The following CLEC16A variants were observed in gnomAD, a reference collection of about 807,000 sequenced individuals.
The protein encoded by CLEC16A is C-type lectin domain containing 16A.
CLEC16A carries 51 observed loss-of-function variants against 109.5 expected under a neutral mutation model. The observed-to-expected ratio is 0.47, with a 90% CI of 0.37 to 0.59. CLEC16A has a LOEUF of 0.59. CLEC16A is among the 20% of genes least tolerant of loss of function. CLEC16A has a pLI of 0.00. For synonymous variants in CLEC16A, 673 were observed against 564.2 expected (o/e 1.19, Z -2.73); for missense variants, 1,339 against 1,394.0 (o/e 0.96, Z 0.63).
intron 10 of CLEC16A, among the ~76,000 whole-genome samples, chr16:10,992,542 TAAAAAA>T (rs945021104): frequency 3.3e-5 from 5 of 151,038 alleles, no homozygotes; most frequent in African/African-American, 1.2e-4. Context: ...CATTAAAAAA[TAAAAAA>T]GAAAAAGATA....
chr16:11,170,888 C>T (rs552165928), intron 23 of CLEC16A, among the ~76,000 whole-genome samples: 8 of 152,334 alleles, frequency 5.3e-5, no homozygotes, highest in Non-Finnish European at 1.0e-4. Flanking sequence ...ACAGCCGATG[C>T]AGAACAGTGC....
intron 22 of CLEC16A, chr16:11,150,285 G>C (rs2054242991): frequency 6.6e-6 from 1 of 152,158 alleles, no homozygotes; most frequent in Admixed American, 6.5e-5. Flanking sequence ...TAAGGTTTGG[G>C]CTTCCCTTAA....
rs2068887481 is a variant in CLEC16A at position 11,179,326 on chromosome 16, TA to T, written c.*638del. ...CTTAGTGTGGCTTTTTCCATTTATT[TA>T]AGTGATTCTTTGTTACTCACTAACT... On this transcript the variant is annotated 3_prime_UTR_variant, in exon 24 of 24. Transcript: ENST00000409790. The T allele has an allele frequency of 1.3e-5, 2 of 152,372 alleles. No individual in the cohort carries two copies. The highest frequency in any genetic ancestry group is 3.9e-4 in the East Asian group (2 of 5,190). The allele number at this position is 152,372 out of a possible 1,614,324, so 9.4% of individuals were successfully genotyped here. A position where few individuals can be genotyped will look rare whatever the true frequency, so the allele number is the denominator to read the frequency against.
In CLEC16A at chr16:11,148,724, G is replaced by A. The variant is rs76143021; in HGVS notation, c.2642-17664G>A. 5.3e-4 allele frequency among the ~76,000 whole-genome samples: 81 copies of A among 152,218 alleles called. 1 individual carries two copies. In the East Asian group the frequency reaches 0.015, roughly 28 times the overall value. ...AGGCCAGTGCTCCATCCCCTGTATG[G>A]CCAGGAAAGCACAGCCATCTTGTAG... On this transcript the variant is annotated intron_variant, in intron 22 of 23. Coordinates refer to ENST00000409790, the MANE Select transcript of CLEC16A (RefSeq NM_015226.3).
intron 15 of CLEC16A, among the ~76,000 whole-genome samples, chr16:11,042,833 T>C (rs1216719128): frequency 6.6e-6 from 1 of 151,284 alleles, no homozygotes; most frequent in African/African-American, 2.4e-5. Context: ...GTTGACATTT[T>C]GTCTGTGTCT....
intron 13 of CLEC16A, among the ~76,000 whole-genome samples, chr16:11,025,888 CT>C (rs1296467527): frequency 2.0e-5 from 3 of 152,170 alleles, no homozygotes; most frequent in Non-Finnish European, 4.4e-5. Flanking sequence ...TCTCTTGTGT[CT>C]TTTTAAAGAT....
At position 11,062,126 on chromosome 16, in the gene CLEC16A, C is replaced by T. The variant is rs149168851; in HGVS notation, c.2116+1104C>T. Among the ~76,000 whole-genome samples, 376 of 137,432 alleles carry T rather than the reference C, an allele frequency of 2.7e-3. 2 individuals are homozygous for T. The highest frequency in any genetic ancestry group is 0.011 in the African/African-American group (354 of 33,304). 90.2% of individuals were successfully genotyped at this position (137,432 alleles called of 152,430 possible). A position where few individuals can be genotyped will look rare whatever the true frequency, so the allele number is the denominator to read the frequency against. ...TGATTGTCTAAGCTGGGGTCGCATGCCCAGCCTTGGAGCTGGGAGGGAGGG... is the reference window on the plus strand; with the variant it reads ...TGATTGTCTAAGCTGGGGTCGCATGTCCAGCCTTGGAGCTGGGAGGGAGGG... On this transcript the variant is annotated intron_variant, in intron 19 of 23. Transcript: ENST00000409790.
intron 19 of CLEC16A, among the ~76,000 whole-genome samples, chr16:11,108,166 G>A (rs1484982418): frequency 6.6e-6 from 1 of 152,258 alleles, no homozygotes; most frequent in Non-Finnish European, 1.5e-5. Context: ...ATGAGGGCAG[G>A]CTGCTGACTG....
At chr16:11,170,797 G>A (rs1277633601) in intron 23 of CLEC16A, among the ~76,000 whole-genome samples, 2 of 152,232 alleles carry the variant, frequency 1.3e-5, no homozygotes, top group Admixed American at 6.5e-5. Flanking sequence ...AGGCAGGCGG[G>A]GTGGCTGAGG....
At chr16:11,172,700 C>A (rs1207500804) in intron 23 of CLEC16A, among the ~76,000 whole-genome samples, 1 of 151,962 alleles carries the variant, frequency 6.6e-6, no homozygotes, top group Non-Finnish European at 1.5e-5. Context: ...ACCAGCCTGG[C>A]CAACATGGTG....
intron 19 of CLEC16A, among the ~76,000 whole-genome samples, chr16:11,061,723 A>C (rs907459077): frequency 6.6e-6 from 1 of 152,210 alleles, no homozygotes; most frequent in Non-Finnish European, 1.5e-5. Flanking sequence ...GTCTTTGGTT[A>C]TAAGAGACAG....
At chr16:11,060,067 C>G (rs181110897) in intron 18 of CLEC16A, among the ~76,000 whole-genome samples, 1 of 152,356 alleles carries the variant, frequency 6.6e-6, no homozygotes, top group Non-Finnish European at 1.5e-5. Context: ...TCTGCACACA[C>G]GGCTCCGACT....
chr16:10,978,208 A>G (rs2146574390), intron 8 of CLEC16A, among the ~76,000 whole-genome samples: 1 of 152,298 alleles, frequency 6.6e-6, no homozygotes, highest in African/African-American at 2.4e-5. Context: ...GGGCCTCAGG[A>G]CCAGGAATCT....
At chr16:11,141,622 C>T (rs1437223188) in intron 22 of CLEC16A, among the ~76,000 whole-genome samples, 1 of 152,242 alleles carries the variant, frequency 6.6e-6, no homozygotes, top group Non-Finnish European at 1.5e-5. Context: ...GTCCAAGCTC[C>T]TTGCACGTAC....
chr16:11,051,057 C>G (rs751131378), intron 17 of CLEC16A, among the ~76,000 whole-genome samples: 1 of 152,210 alleles, frequency 6.6e-6, no homozygotes, highest in Non-Finnish European at 1.5e-5. Context: ...CCTTAGGTCA[C>G]AGCTTGCAGC....
chr16:11,061,267 C>T (rs1478485345), intron 19 of CLEC16A, among the ~76,000 whole-genome samples: 1 of 152,156 alleles, frequency 6.6e-6, no homozygotes, highest in Non-Finnish European at 1.5e-5. Context: ...AAAGTCTCTG[C>T]AGAGCACCTG....
At chr16:11,158,801 T>C (rs1208036385) in intron 22 of CLEC16A, among the ~76,000 whole-genome samples, 2 of 152,048 alleles carry the variant, frequency 1.3e-5, no homozygotes, top group African/African-American at 4.8e-5. Flanking sequence ...ATGCCTGTAG[T>C]CCCAGCTACT....
At position 11,116,408 on chromosome 16, in the gene CLEC16A, A is replaced by G. The variant is rs201653343; in HGVS notation, c.2117-4207A>G. On this transcript the variant is annotated intron_variant, in intron 19 of 23. Transcript: ENST00000409790. ...AGACTGTCTAAAAGAAAAAGAAAAG[A>G]AAAAAAAAGGTACAAATTCAGTAAA... Among the ~76,000 whole-genome samples, 14 of 92,206 alleles carry G rather than the reference A, an allele frequency of 1.5e-4. No homozygotes were observed. In the East Asian group the frequency reaches 5.2e-3, roughly 34 times the overall value. The allele number at this position is 92,206 out of a possible 152,430, so 60.5% of individuals were successfully genotyped here. A position where few individuals can be genotyped will look rare whatever the true frequency, so the allele number is the denominator to read the frequency against.
At chr16:11,060,489 GAC>G (rs2048421588) in intron 18 of CLEC16A, among the ~76,000 whole-genome samples, 1 of 152,248 alleles carries the variant, frequency 6.6e-6, no homozygotes, top group Admixed American at 6.5e-5. Context: ...GGTTGGGACA[GAC>G]AGACTCAGGG....
Sources: gnomAD v4.1 joint callset for allele counts (sites outside exome capture counted in the v4.1 genomes callset) on GRCh38, gnomAD v4.1.1 for gene constraint, MANE v1.5 for transcripts, NCBI Gene and HGNC (gene_info 2026-07-23, HGNC 2026-07-21) for gene names.